MIS18A: variants seen among roughly 807,000 people sequenced by gnomAD.
MIS18A encodes the protein MIS18 kinetochore protein A.
In MIS18A, 14 loss-of-function variants were observed where a neutral mutation model predicts 25.0. The ratio of observed to expected loss-of-function variants is 0.56; its 90% confidence interval spans 0.37 to 0.88. The LOEUF (loss-of-function observed/expected upper bound fraction) is 0.88, where lower values mean the gene tolerates loss of function less well. Ranked by LOEUF, MIS18A falls within the 40% of genes least tolerant of loss-of-function variation. The pLI is 0.00. For synonymous variants in MIS18A, 134 were observed against 118.6 expected (o/e 1.13, Z -0.84); for missense variants, 292 against 290.8 (o/e 1.00, Z -0.03).
the MIS18A span, among the ~76,000 whole-genome samples, chr21:32,167,724 A>G: frequency 6.6e-6 from 1 of 152,246 alleles, no homozygotes; most frequent in East Asian, 1.9e-4. Context: ...ACATCAAACC[A>G]CAGATTCAAA....
At chr21:32,156,109 G>C in the MIS18A span, among the ~76,000 whole-genome samples, 1 of 152,086 alleles carries the variant, frequency 6.6e-6, no homozygotes, top group Admixed American at 6.6e-5. Context: ...TTTTTAACCA[G>C]AGCAGCAGCT....
At chr21:32,167,034 G>T in the MIS18A span, among the ~76,000 whole-genome samples, 1 of 152,078 alleles carries the variant, frequency 6.6e-6, no homozygotes, top group African/African-American at 2.4e-5. Flanking sequence ...TAATAAACCT[G>T]CACATTTATC....
At chr21:32,194,569 G>T in the MIS18A span, among the ~76,000 whole-genome samples, 1 of 151,942 alleles carries the variant, frequency 6.6e-6, no homozygotes, top group Non-Finnish European at 1.5e-5. Flanking sequence ...TGAGGCAGGA[G>T]AATCGCTTGA....
At chr21:32,160,927 G>A in the MIS18A span, among the ~76,000 whole-genome samples, 3 of 152,150 alleles carry the variant, frequency 2.0e-5, no homozygotes, top group Non-Finnish European at 4.4e-5. Context: ...CCCTGCGCCC[G>A]GCCAGTTGCA....
the MIS18A span, among the ~76,000 whole-genome samples, chr21:32,255,668 T>A: frequency 4.6e-5 from 7 of 151,364 alleles, no homozygotes; most frequent in Non-Finnish European, 7.4e-5. Flanking sequence ...GGAGGGTGGA[T>A]CACGAGGTCA....
the MIS18A span, chr21:32,156,399 A>T: frequency 6.6e-6 from 1 of 152,224 alleles, no homozygotes; most frequent in Non-Finnish European, 1.5e-5. Context: ...GTTATTGAAA[A>T]GTACTCACAG....
chr21:32,270,917 C>T (rs750529035), intron 2 of MIS18A, among the ~76,000 whole-genome samples: 12 of 152,344 alleles, frequency 7.9e-5, no homozygotes, highest in Admixed American at 1.3e-4. Context: ...ATAGACAATA[C>T]TAACTGAATA....
At chr21:32,239,545 TTTG>T in the MIS18A span, among the ~76,000 whole-genome samples, 1 of 152,238 alleles carries the variant, frequency 6.6e-6, no homozygotes, top group Non-Finnish European at 1.5e-5. Flanking sequence ...TGTGCTGCTC[TTTG>T]TTATTTATAA....
the MIS18A span, among the ~76,000 whole-genome samples, chr21:32,195,442 C>T: frequency 1.3e-5 from 2 of 152,168 alleles, no homozygotes; most frequent in Admixed American, 6.5e-5. Context: ...GCTTCCATGT[C>T]CCAAGGCAGG....
At chr21:32,256,251 G>C in the MIS18A span, among the ~76,000 whole-genome samples, 1,706 of 152,222 alleles carry the variant, frequency 0.011, 105 homozygotes, top group Admixed American at 0.089. Flanking sequence ...TGCTCCCTCA[G>C]AGAGTACCAC....
At chr21:32,242,777 T>A in the MIS18A span, among the ~76,000 whole-genome samples, 2 of 152,326 alleles carry the variant, frequency 1.3e-5, no homozygotes, top group East Asian at 3.9e-4. Flanking sequence ...GGGACTCTGA[T>A]GGATGGACAG....
chr21:32,166,270 C>A, the MIS18A span, among the ~76,000 whole-genome samples: 1 of 152,156 alleles, frequency 6.6e-6, no homozygotes, highest in Non-Finnish European at 1.5e-5. Context: ...ACCAGGAGGT[C>A]ATGGAATCTC....
the MIS18A span, among the ~76,000 whole-genome samples, chr21:32,247,818 A>T: frequency 6.6e-6 from 1 of 152,168 alleles, no homozygotes; most frequent in South Asian, 2.1e-4. Flanking sequence ...GGCTGTGTCT[A>T]AACAAAGCCC....
chr21:32,193,668 G>T, the MIS18A span, among the ~76,000 whole-genome samples: 1 of 151,286 alleles, frequency 6.6e-6, no homozygotes, highest in African/African-American at 2.4e-5. Flanking sequence ...TCTAAGAAAT[G>T]TGTTTTATTT....
At chr21:32,169,727 G>A in the MIS18A span, among the ~76,000 whole-genome samples, 3 of 152,064 alleles carry the variant, frequency 2.0e-5, no homozygotes, top group African/African-American at 7.2e-5. Context: ...CTGGTTCAAG[G>A]CATTTGAGGA....
chr21:32,246,531 T>A, the MIS18A span, among the ~76,000 whole-genome samples: 1 of 152,150 alleles, frequency 6.6e-6, no homozygotes, highest in Non-Finnish European at 1.5e-5. Flanking sequence ...AGGTTCCATG[T>A]GTAAAGGAAA....
chr21:32,203,792 A>T, the MIS18A span, among the ~76,000 whole-genome samples: 1 of 151,206 alleles, frequency 6.6e-6, no homozygotes. Flanking sequence ...AATTTTTTGT[A>T]TTTTTTTGTA....
chr21:32,251,530 C>T, the MIS18A span, among the ~76,000 whole-genome samples: 5 of 152,172 alleles, frequency 3.3e-5, no homozygotes, highest in Non-Finnish European at 7.3e-5. Flanking sequence ...CACCCCATGC[C>T]AGCGTCTAGG....
the MIS18A span, among the ~76,000 whole-genome samples, chr21:32,181,193 T>A: frequency 4.6e-3 from 705 of 152,242 alleles, 2 homozygotes; most frequent in Non-Finnish European, 8.4e-3. Context: ...GGAACATCAA[T>A]CTTTTCCTGC....
Sources: gnomAD v4.1 joint callset for allele counts (sites outside exome capture counted in the v4.1 genomes callset) on GRCh38, gnomAD v4.1.1 for gene constraint, MANE v1.5 for transcripts, NCBI Gene and HGNC (gene_info 2026-07-23, HGNC 2026-07-21) for gene names.